Variants in NSMCE2 observed in about 807,000 individuals in gnomAD.
NSMCE2 encodes E3 SUMO-protein ligase NSE2.
In NSMCE2, 24 loss-of-function variants were observed where a neutral mutation model predicts 23.8. The observed-to-expected ratio is 1.01, with a 90% CI of 0.73 to 1.42. NSMCE2 has a LOEUF of 1.42. NSMCE2 is among the 40% of genes most tolerant of loss of function. The pLI is 0.00. For missense variants in NSMCE2, 284 were observed against 296.5 expected, an observed-to-expected ratio of 0.96 and a Z score of 0.31; for synonymous variants, 92 against 94.1, an observed-to-expected ratio of 0.98 and a Z score of 0.13.
intron 5 of NSMCE2, among the ~76,000 whole-genome samples, chr8:125,297,088 A>C (rs1182608005): frequency 2.6e-5 from 4 of 152,228 alleles, no homozygotes; most frequent in African/African-American, 9.6e-5. Flanking sequence ...TTTTACTGTG[A>C]GATATCCTAA....
intron 5 of NSMCE2, among the ~76,000 whole-genome samples, chr8:125,279,237 A>G (rs1827601422): frequency 6.6e-6 from 1 of 152,196 alleles, no homozygotes; most frequent in Non-Finnish European, 1.5e-5. Flanking sequence ...AGCCTGGAGC[A>G]GTTAGCACAG....
intron 5 of NSMCE2, among the ~76,000 whole-genome samples, chr8:125,296,908 T>G: frequency 6.6e-6 from 1 of 152,208 alleles, no homozygotes; most frequent in Non-Finnish European, 1.5e-5. Context: ...AAAACAACAG[T>G]GCTTATACTG....
rs558290506 is a variant in NSMCE2, at chr8:125,102,185, A to T, written c.-15+39A>T. 67 of 662,776 alleles carry T rather than the reference A, an allele frequency of 1.0e-4. 2 individuals carry two copies. In the South Asian group the frequency reaches 1.2e-3, roughly 12 times the overall value. The allele number at this position is 662,776 out of a possible 1,614,324, so 41.1% of individuals were successfully genotyped here. A position where few individuals can be genotyped will look rare whatever the true frequency, so the allele number is the denominator to read the frequency against. ...TGATTTGGTGTCTTCTCTATAGGAT[A>T]TACAGAATAGTGTGGCATTTATGAG... On this transcript the variant is annotated intron_variant, in intron 2 of 7. Coordinates refer to ENST00000287437, the MANE Select transcript of NSMCE2 (RefSeq NM_173685.4).
At chr8:125,303,452 AC>A in intron 5 of NSMCE2, among the ~76,000 whole-genome samples, 1 of 152,262 alleles carries the variant, frequency 6.6e-6, no homozygotes, top group South Asian at 2.1e-4. Flanking sequence ...TATTGAAGGA[AC>A]TAAACTATAA....
chr8:125,136,992 T>C (rs902883068), intron 3 of NSMCE2, among the ~76,000 whole-genome samples: 2 of 152,140 alleles, frequency 1.3e-5, no homozygotes, highest in African/African-American at 4.8e-5. Flanking sequence ...AGTATAATGA[T>C]ATTTGTAGTT....
intron 5 of NSMCE2, among the ~76,000 whole-genome samples, chr8:125,245,734 GA>G (rs2130994115): frequency 6.6e-6 from 1 of 152,158 alleles, no homozygotes; most frequent in African/African-American, 2.4e-5. Context: ...ACAAAATTAA[GA>G]TCAAAAGAAA....
At chr8:125,177,326 G>A (rs992119553) in intron 4 of NSMCE2, among the ~76,000 whole-genome samples, 1 of 152,142 alleles carries the variant, frequency 6.6e-6, no homozygotes, top group Non-Finnish European at 1.5e-5. Context: ...CTGATCCCGA[G>A]CTCAAAGTTT....
intron 3 of NSMCE2, among the ~76,000 whole-genome samples, chr8:125,102,747 AG>A (rs1818258988): frequency 6.6e-6 from 1 of 152,218 alleles, no homozygotes. Flanking sequence ...CCTGACCCCA[AG>A]GAGCATACAA....
intron 3 of NSMCE2, among the ~76,000 whole-genome samples, chr8:125,125,212 T>C (rs1164827126): frequency 1.3e-5 from 2 of 152,156 alleles, no homozygotes; most frequent in Non-Finnish European, 2.9e-5. Flanking sequence ...TGCAGTACAA[T>C]GTTGAGTAAA....
At chr8:125,312,329 A>AT (rs1291927664) in intron 5 of NSMCE2, among the ~76,000 whole-genome samples, 1 of 151,898 alleles carries the variant, frequency 6.6e-6, no homozygotes, top group Non-Finnish European at 1.5e-5. Flanking sequence ...AATTTCTTTT[A>AT]TAAATGTGTA....
chr8:125,187,708 T>C (rs963135912), intron 5 of NSMCE2, among the ~76,000 whole-genome samples: 6 of 152,162 alleles, frequency 3.9e-5, no homozygotes, highest in South Asian at 2.1e-4. Context: ...AAAGCCCTTA[T>C]GTTTTGAAAG....
chr8:125,202,013 T>G (rs1028220564), intron 5 of NSMCE2, among the ~76,000 whole-genome samples: 7 of 152,172 alleles, frequency 4.6e-5, no homozygotes, highest in Admixed American at 4.6e-4. Flanking sequence ...GCATGGGACC[T>G]GCCAAGCCAG....
At position 125,231,154 on chromosome 8, in the gene NSMCE2, T is replaced by C. The variant is rs117999801; in HGVS notation, c.418+48898T>C. ...AACTGTAGAATAAACCTTACAGTCC[T>C]AGAAAGAAGCATTAATTATATGATA... On this transcript the variant is annotated intron_variant, in intron 5 of 7. Transcript: ENST00000287437. Among the ~76,000 whole-genome samples, 213 of 152,314 alleles carry C rather than the reference T, an allele frequency of 1.4e-3. 2 individuals carry two copies. In the East Asian group the frequency reaches 0.018, roughly 13 times the overall value.
intron 4 of NSMCE2, among the ~76,000 whole-genome samples, chr8:125,166,771 T>A (rs1821900882): frequency 6.6e-6 from 1 of 152,184 alleles, no homozygotes; most frequent in Non-Finnish European, 1.5e-5. Context: ...AGACTGGTCT[T>A]CCTGGTTTAG....
At chr8:125,199,956 G>T (rs1460649626) in intron 5 of NSMCE2, among the ~76,000 whole-genome samples, 1 of 152,058 alleles carries the variant, frequency 6.6e-6, no homozygotes, top group East Asian at 1.9e-4. Flanking sequence ...CTTGATCTTT[G>T]TTGGTTTAAA....
At chr8:125,351,742 G>A (rs889743097) in intron 5 of NSMCE2, among the ~76,000 whole-genome samples, 1 of 152,120 alleles carries the variant, frequency 6.6e-6, no homozygotes, top group Non-Finnish European at 1.5e-5. Flanking sequence ...CGGGCATGGT[G>A]GCTCACACCT....
intron 5 of NSMCE2, among the ~76,000 whole-genome samples, chr8:125,210,793 T>C (rs1824299242): frequency 6.6e-6 from 1 of 152,118 alleles, no homozygotes; most frequent in Non-Finnish European, 1.5e-5. Flanking sequence ...GGCTCACTGC[T>C]CACTGCAACC....
chr8:125,230,650 G>A (rs918868929), intron 5 of NSMCE2, among the ~76,000 whole-genome samples: 4 of 152,094 alleles, frequency 2.6e-5, no homozygotes, highest in Non-Finnish European at 4.4e-5. Context: ...TAAGCTAATC[G>A]TATGCCAATG....
intron 5 of NSMCE2, among the ~76,000 whole-genome samples, chr8:125,252,207 A>G (rs1394538650): frequency 1.3e-5 from 2 of 152,198 alleles, no homozygotes; most frequent in African/African-American, 4.8e-5. Flanking sequence ...GGGATGACAG[A>G]AAGAAGAGAA....
Sources: allele counts gnomAD v4.1 joint callset (sites outside exome capture counted in the v4.1 genomes callset), GRCh38; gene constraint gnomAD v4.1.1; transcripts MANE v1.5; gene names NCBI Gene and HGNC (gene_info 2026-07-23, HGNC 2026-07-21).